Variants in NPPC observed in about 807,000 individuals in gnomAD.
NPPC encodes the protein natriuretic peptide C.
NPPC carries 4 observed loss-of-function variants against 10.2 expected under a neutral mutation model. That is an observed-to-expected ratio of 0.39 (90% CI 0.19 to 0.90). The LOEUF (loss-of-function observed/expected upper bound fraction) is 0.90. Ranked by LOEUF, NPPC falls within the 40% of genes least tolerant of loss-of-function variation. The pLI is 0.37. For synonymous variants in NPPC, 83 were observed against 87.3 expected (o/e 0.95, Z 0.27); for missense variants, 182 against 173.8 (o/e 1.05, Z -0.26).
rs764048304 is a variant in NPPC, at chr2:231,925,423, C to T, written c.*2G>A. 10 of 1,592,522 alleles carry T rather than the reference C, an allele frequency of 6.3e-6. No individual in the cohort carries two copies. The Admixed American group carries it at 1.5e-4, about 24-fold the overall frequency. ...TACTCACCGCCGCCAGGGGGCGCCG[C>T]ACTAACATCCCAGGCCGCTCATGGA... On this transcript the variant is annotated 3_prime_UTR_variant, in exon 2 of 3. Transcript: ENST00000409852.
intron 2 of NPPC, among the ~76,000 whole-genome samples, chr2:231,923,373 C>T (rs1048326888): frequency 2.6e-5 from 4 of 152,222 alleles, no homozygotes; most frequent in Admixed American, 1.3e-4. Flanking sequence ...TCACCCACTG[C>T]GTGGAGAAAC....
chr2:231,924,608 G>A (rs559559992), intron 2 of NPPC, among the ~76,000 whole-genome samples: 9 of 152,206 alleles, frequency 5.9e-5, no homozygotes, highest in East Asian at 3.9e-4. Context: ...GAGGCTCTCT[G>A]CAGCAGTAAA....
At chr2:231,923,894 C>T (rs542797721) in intron 2 of NPPC, among the ~76,000 whole-genome samples, 2 of 152,232 alleles carry the variant, frequency 1.3e-5, no homozygotes, top group African/African-American at 4.8e-5. Context: ...ATGCTTAAAT[C>T]AAACTGAAAA....
Position 231,925,405 on chromosome 2 carries a change from C to T in NPPC, c.*20G>A. The T allele has an allele frequency of 6.3e-7, 1 of 1,582,908 alleles. No individual in the cohort carries two copies. The highest frequency in any genetic ancestry group is 8.6e-7 in the Non-Finnish European group (1 of 1,163,102). On this transcript the variant is annotated splice_region_variant and 3_prime_UTR_variant, in exon 2 of 3. Coordinates refer to ENST00000409852, the MANE Select transcript of NPPC (RefSeq NM_024409.4). ...TGGGCGTCGGGTGGGCCGTACTCAC[C>T]GCCGCCAGGGGGCGCCGCACTAACA... is the stretch of plus-strand genomic sequence containing the variant.
At chr2:231,925,289 C>T (rs1691986748) in intron 2 of NPPC, 116 bp downstream of exon 2, 2 of 831,052 alleles carry the variant, frequency 2.4e-6, no homozygotes, top group East Asian at 3.4e-5. Context: ...AAGGGGGCGG[C>T]TGGCAAACGC....
chr2:231,926,204 G>A lies in NPPC; in HGVS notation c.46C>T (p.Leu16Phe), dbSNP rs1692006553. Residue 16 changes from leucine to phenylalanine, a missense_variant, in exon 1 of 3, where the codon CTC becomes TTC. Physicochemically the swap from Leu to Phe is conservative, Grantham distance 22. Transcript: ENST00000409852. ...TTGGCTTCGGAGGGCCGGAGGGAGA[G>A]CAGCGTGAGCAGCAGGGCGCAGGCC... Reference protein sequence around the residue: ...LLACALLLTLLSLRPSEAKPG... With the variant: ...LLACALLLTLFSLRPSEAKPG... 7.5e-7 allele frequency: 1 copy of A among 1,330,782 alleles called. No individual in the cohort carries two copies. The highest frequency in any genetic ancestry group is 9.6e-7 in the Non-Finnish European group (1 of 1,037,268). The allele number at this position is 1,330,782 out of a possible 1,614,324, so 82.4% of individuals were successfully genotyped here. A position where few individuals can be genotyped will look rare whatever the true frequency, so the allele number is the denominator to read the frequency against.
In NPPC at chr2:231,926,194, C is replaced by G. The variant is rs981888754; in HGVS notation, c.56G>C (p.Arg19Pro). Residue 19 changes from arginine to proline, a missense_variant, in exon 1 of 3, where the codon CGG becomes CCG. By Grantham distance (103) the Arg-to-Pro change is moderately radical. Transcript: ENST00000409852. ...CALLLTLLSL[R>P]PSEAKPGAPP... ...CGCCCCGGGCTTGGCTTCGGAGGGC[C>G]GGAGGGAGAGCAGCGTGAGCAGCAG... 11 of 1,324,584 alleles carry G rather than the reference C, an allele frequency of 8.3e-6. No individual in the cohort carries two copies. Among genetic ancestry groups the G allele is most frequent in the African/African-American group, 1.5e-5 (1 of 65,558 alleles). 82.1% of individuals were successfully genotyped at this position (1,324,584 alleles called of 1,614,324 possible). A position where few individuals can be genotyped will look rare whatever the true frequency, so the allele number is the denominator to read the frequency against.
Position 231,925,397 on chromosome 2 carries a change from G to T in NPPC, c.*20+8C>A, listed in dbSNP as rs775558519. Reference sequence around the variant, plus strand: ...GCTGGGGCTGGGCGTCGGGTGGGCCGTACTCACCGCCGCCAGGGGGCGCCG... The same window carrying T: ...GCTGGGGCTGGGCGTCGGGTGGGCCTTACTCACCGCCGCCAGGGGGCGCCG... On this transcript the variant is annotated splice_region_variant and intron_variant, in intron 2 of 2. Coordinates refer to ENST00000409852, the MANE Select transcript of NPPC (RefSeq NM_024409.4). 5.7e-6 allele frequency: 9 copies of T among 1,574,712 alleles called. No individual in the cohort carries two copies. Among genetic ancestry groups the T allele is most frequent in the Non-Finnish European group, 4.3e-6 (5 of 1,159,800 alleles).
intron 2 of NPPC, 51 bp downstream of exon 2, chr2:231,925,354 C>T (rs1691988127): frequency 3.6e-6 from 5 of 1,382,470 alleles, no homozygotes; most frequent in Admixed American, 3.8e-5. Flanking sequence ...GGCTGGGCGG[C>T]GGGCGGTCCC....
chr2:231,925,838 C>G, intron 1 of NPPC, 123 bp from the exon 2 acceptor site: 1 of 1,188,826 alleles, frequency 8.4e-7, no homozygotes, highest in Non-Finnish European at 1.1e-6. Context: ...CCGCCCCCAC[C>G]GATGCCGGCC....
intron 2 of NPPC, among the ~76,000 whole-genome samples, chr2:231,924,715 C>T (rs1691975528): frequency 6.6e-6 from 1 of 152,184 alleles, no homozygotes; most frequent in Admixed American, 6.5e-5. Flanking sequence ...GAGCCCAGAG[C>T]ACCGGTTGGG....
chr2:231,925,082 C>T (rs1185938771), intron 2 of NPPC, among the ~76,000 whole-genome samples: 1 of 152,180 alleles, frequency 6.6e-6, no homozygotes, highest in African/African-American at 2.4e-5. Context: ...TCCTCTCAAT[C>T]CCCCCACCAG....
At position 231,925,599 on chromosome 2, in the gene NPPC, C is replaced by T. The variant is rs780800764; in HGVS notation, c.207G>A (p.Ser69=). The T allele has an allele frequency of 6.2e-7, 1 of 1,611,400 alleles. No homozygotes were observed. The highest frequency in any genetic ancestry group is 2.2e-5 in the East Asian group (1 of 44,830). ...GGGANLKGDR[S]RLLRDLRVDT... ...CCACGCGCAGGTCCCGGAGCAGTCG[C>T]GACCGGTCGCCCTTGAGATTGGCGC... Residue 69 remains serine (S), a synonymous_variant, in exon 2 of 3, where the codon TCG becomes TCA. Transcript: ENST00000409852.
chr2:231,924,135 G>A (rs1245050052), intron 2 of NPPC, among the ~76,000 whole-genome samples: 2 of 152,252 alleles, frequency 1.3e-5, no homozygotes, highest in Non-Finnish European at 1.5e-5. Flanking sequence ...AAAACCTCGG[G>A]CAGGTGGGAG....
chr2:231,923,216 A>G (rs997392250), intron 2 of NPPC, among the ~76,000 whole-genome samples: 4 of 152,200 alleles, frequency 2.6e-5, no homozygotes, highest in African/African-American at 9.7e-5. Flanking sequence ...GTGAGTTTAC[A>G]CAGATGACAG....
In NPPC at chr2:231,926,171, C is replaced by T. The variant is rs893710296; in HGVS notation, c.79G>A (p.Ala27Thr). Residue 27 changes from alanine (A) to threonine (T), a missense_variant, in exon 1 of 3, where the codon GCG (alanine) becomes ACG (threonine). Ala to Thr is a moderately conservative substitution (Grantham distance 58). Coordinates refer to ENST00000409852, the MANE Select transcript of NPPC (RefSeq NM_024409.4). Reference protein sequence around the residue: ...SLRPSEAKPGAPPKVPRTPPA... With the variant: ...SLRPSEAKPGTPPKVPRTPPA... Reference sequence around the variant, plus strand: ...ACGACAGCACCCACCTTCGGCGGCGCCCCGGGCTTGGCTTCGGAGGGCCGG... The same window carrying T: ...ACGACAGCACCCACCTTCGGCGGCGTCCCGGGCTTGGCTTCGGAGGGCCGG... The T allele has an allele frequency of 7.7e-7, 1 of 1,299,282 alleles. No individual in the cohort carries two copies. The allele number at this position is 1,299,282 out of a possible 1,614,324, so 80.5% of individuals were successfully genotyped here. A position where few individuals can be genotyped will look rare whatever the true frequency, so the allele number is the denominator to read the frequency against.
chr2:231,925,325 TCG>T (rs1346310195), intron 2 of NPPC, 78 bp downstream of exon 2: 1 of 1,246,820 alleles, frequency 8.0e-7, no homozygotes, highest in African/African-American at 1.6e-5. Context: ...CAAAGGCGGC[TCG>T]CGCGCCTCCG....
rs1396789418 is a variant in NPPC at position 231,925,669 on chromosome 2, G to C, written c.137C>G (p.Ala46Gly). ...GTCGCCCTTCTTCTGACCGCCGCCC[G>C]CAGCCTGCGGCTCGGCCAGCTCCTC... ...PAEELAEPQA[A>G]GGGQKKGDKA... The change falls in exon 2 of 3, where the codon GCG (alanine) becomes GGG (glycine). Residue 46 changes from alanine (A) to glycine (G), a missense_variant. By Grantham distance (60) the Ala-to-Gly change is moderately conservative. Coordinates refer to ENST00000409852, the MANE Select transcript of NPPC (RefSeq NM_024409.4). The C allele has an allele frequency of 2.4e-5, 38 of 1,597,926 alleles. No individual in the cohort carries two copies. The highest frequency in any genetic ancestry group is 3.1e-5 in the Non-Finnish European group (37 of 1,174,864).
chr2:231,923,146 AG>A (rs1233052251), intron 2 of NPPC, among the ~76,000 whole-genome samples: 1 of 152,212 alleles, frequency 6.6e-6, no homozygotes, highest in African/African-American at 2.4e-5. Flanking sequence ...GCATGCACAG[AG>A]GGGACCTGGG....
Sources: gnomAD v4.1 joint callset for allele counts (sites outside exome capture counted in the v4.1 genomes callset) on GRCh38, gnomAD v4.1.1 for gene constraint, MANE v1.5 for transcripts, NCBI Gene and HGNC (gene_info 2026-07-23, HGNC 2026-07-21) for gene names.